Variants in TOM1L2 observed in about 807,000 individuals in gnomAD.
TOM1L2 encodes target of myb1 like 2 membrane trafficking protein, also known as TOM1-like protein 2.
In TOM1L2, 31 loss-of-function variants were observed where a neutral mutation model predicts 67.9. The ratio of observed to expected loss-of-function variants is 0.46; its 90% CI spans 0.34 to 0.62. The LOEUF (loss-of-function observed/expected upper bound fraction) is 0.62. TOM1L2 is among the 20% of genes least tolerant of loss of function. The probability of loss-of-function intolerance (pLI) is 0.01; values close to 1 mark genes in which losing one functional copy is unlikely to be tolerated. For missense variants in TOM1L2, 606 were observed against 663.5 expected, an observed-to-expected ratio of 0.91 and a Z score of 0.95; for synonymous variants, 256 against 254.0, an observed-to-expected ratio of 1.01 and a Z score of -0.07.
rs1194239168 is a variant in TOM1L2 at position 17,881,666 on chromosome 17, T to C, written c.660+1039A>G. 2.0e-5 allele frequency among the ~76,000 whole-genome samples: 3 copies of C among 152,180 alleles called. No individual in the cohort carries two copies. The East Asian group carries it at 5.8e-4, about 29-fold the overall frequency. On this transcript the variant is annotated intron_variant, in intron 6 of 14. Coordinates refer to ENST00000379504, the MANE Select transcript of TOM1L2 (RefSeq NM_001082968.2). ...CCTGGTGGGGTAACAAATCACTTGTTCTACTGATGGGAGACCGGGGTTAAA... is the reference window on the plus strand; with the variant it reads ...CCTGGTGGGGTAACAAATCACTTGTCCTACTGATGGGAGACCGGGGTTAAA...
chr17:17,895,978 G>A (rs946243905), intron 3 of TOM1L2, among the ~76,000 whole-genome samples: 5 of 152,118 alleles, frequency 3.3e-5, no homozygotes, highest in South Asian at 2.1e-4. Flanking sequence ...AGGAGGCCCC[G>A]GGTTCCTCTG....
intron 1 of TOM1L2, among the ~76,000 whole-genome samples, chr17:17,919,722 T>C (rs73301821): frequency 4.4e-4 from 67 of 152,316 alleles, no homozygotes; most frequent in African/African-American, 1.6e-3. Flanking sequence ...ATTGAACCAC[T>C]GGTCTCAAGT....
At position 17,972,389 on chromosome 17, in the gene TOM1L2, G is replaced by T. The variant is rs1324234000; in HGVS notation, c.-76C>A. 3.3e-6 allele frequency: 5 copies of T among 1,535,510 alleles called. No homozygotes were observed. Among genetic ancestry groups the T allele is most frequent in the African/African-American group, 1.4e-5 (1 of 72,542 alleles). On this transcript the variant is annotated 5_prime_UTR_variant, in exon 1 of 15. Coordinates refer to ENST00000379504, the MANE Select transcript of TOM1L2 (RefSeq NM_001082968.2). ...CTCCGCTGTAACCCGCCGGACTCCCGTCCTGACTGACACTTGCCCCCTCCC... is the reference window on the plus strand; with the variant it reads ...CTCCGCTGTAACCCGCCGGACTCCCTTCCTGACTGACACTTGCCCCCTCCC...
intron 7 of TOM1L2, among the ~76,000 whole-genome samples, chr17:17,871,089 G>A (rs1160264660): frequency 6.6e-6 from 1 of 152,232 alleles, no homozygotes; most frequent in African/African-American, 2.4e-5. Flanking sequence ...CAGAGGCCGG[G>A]GCCAGGTGTG....
chr17:17,883,352 ATTATTAGAAGAATGAAACAGG>A (rs2037827857), intron 5 of TOM1L2, among the ~76,000 whole-genome samples: 1 of 152,256 alleles, frequency 6.6e-6, no homozygotes, highest in Non-Finnish European at 1.5e-5. Context: ...GCTCTCTGTC[ATTATTAGAAGAATGAAACAGG>A]TTATGTTGAT....
intron 1 of TOM1L2, among the ~76,000 whole-genome samples, chr17:17,933,264 G>A (rs1351220008): frequency 6.6e-6 from 1 of 152,144 alleles, no homozygotes; most frequent in African/African-American, 2.4e-5. Context: ...AACACGAAAG[G>A]GCCAAAGGAC....
intron 10 of TOM1L2, among the ~76,000 whole-genome samples, chr17:17,865,464 C>T (rs916524725): frequency 6.6e-6 from 1 of 151,930 alleles, no homozygotes; most frequent in Non-Finnish European, 1.5e-5. Flanking sequence ...GCAACCTCTG[C>T]TTCCCGGGTT....
At chr17:17,905,935 C>T (rs908896375) in intron 2 of TOM1L2, among the ~76,000 whole-genome samples, 1 of 152,028 alleles carries the variant, frequency 6.6e-6, no homozygotes, top group African/African-American at 2.4e-5. Context: ...CACTCTGCTC[C>T]GGGCCCATTA....
chr17:17,846,815 G>A lies in TOM1L2; in HGVS notation c.*820C>T, dbSNP rs911969141. ...CCAGTGCAAGTCCCTCCACAAGCCA[G>A]GACCAGGTGTGCGGGTGTGAGCCTG... On this transcript the variant is annotated 3_prime_UTR_variant, in exon 15 of 15. Transcript: ENST00000379504. 6 of 152,606 alleles carry A rather than the reference G, an allele frequency of 3.9e-5. No homozygotes were observed. Among genetic ancestry groups the A allele is most frequent in the Non-Finnish European group, 5.9e-5 (4 of 68,316 alleles). 9.5% of individuals were successfully genotyped at this position (152,606 alleles called of 1,614,324 possible).
At chr17:17,899,368 A>G (rs2038735083) in intron 2 of TOM1L2, among the ~76,000 whole-genome samples, 1 of 152,232 alleles carries the variant, frequency 6.6e-6, no homozygotes, top group Non-Finnish European at 1.5e-5. Flanking sequence ...TTGTGTTTTT[A>G]GGTGACAGAT....
intron 9 of TOM1L2, 115 bp downstream of exon 9, chr17:17,866,761 C>G: frequency 8.9e-7 from 1 of 1,121,440 alleles, no homozygotes; most frequent in South Asian, 1.3e-5. Context: ...CTTGCCTCTT[C>G]AATTTCCCAA....
At chr17:17,944,710 T>C (rs1214197103) in intron 1 of TOM1L2, among the ~76,000 whole-genome samples, 2 of 152,084 alleles carry the variant, frequency 1.3e-5, no homozygotes, top group East Asian at 3.9e-4. Flanking sequence ...CAAGGAGAGG[T>C]GAAAAGCTGA....
intron 3 of TOM1L2, among the ~76,000 whole-genome samples, chr17:17,896,718 G>T (rs915952288): frequency 2.0e-5 from 3 of 152,176 alleles, no homozygotes; most frequent in Non-Finnish European, 4.4e-5. Context: ...GAAAGTAAAC[G>T]GGGCCTCTAA....
At chr17:17,894,464 A>G (rs1254074153) in intron 3 of TOM1L2, among the ~76,000 whole-genome samples, 1 of 152,172 alleles carries the variant, frequency 6.6e-6, no homozygotes, top group Non-Finnish European at 1.5e-5. Context: ...CTGCTCAGAA[A>G]AGCCCAGCAT....
intron 6 of TOM1L2, among the ~76,000 whole-genome samples, chr17:17,882,393 C>T (rs2037769902): frequency 6.6e-6 from 1 of 152,240 alleles, no homozygotes; most frequent in East Asian, 1.9e-4. Flanking sequence ...CATTGCTGAG[C>T]ATGCGGTCTC....
intron 1 of TOM1L2, among the ~76,000 whole-genome samples, chr17:17,927,320 G>A (rs897948956): frequency 1.3e-5 from 2 of 152,184 alleles, no homozygotes; most frequent in African/African-American, 4.8e-5. Context: ...TGTGAGTAAC[G>A]GGCAGAGAGA....
chr17:17,912,582 A>G, intron 1 of TOM1L2, among the ~76,000 whole-genome samples: 1 of 147,824 alleles, frequency 6.8e-6, no homozygotes. Flanking sequence ...CACATCTCAG[A>G]CGATGGGCGG....
chr17:17,857,650 TGTG>T, intron 12 of TOM1L2: 1 of 802,834 alleles, frequency 1.2e-6, no homozygotes, highest in Admixed American at 2.8e-5. Flanking sequence ...AAAGAAAGCG[TGTG>T]GCCTTGTACT....
At chr17:17,872,278 A>G (rs2037192322) in intron 7 of TOM1L2, among the ~76,000 whole-genome samples, 1 of 152,286 alleles carries the variant, frequency 6.6e-6, no homozygotes, top group Non-Finnish European at 1.5e-5. Context: ...ACAATCACAT[A>G]GATCACGTGA....
Sources: allele counts gnomAD v4.1 joint callset (sites outside exome capture counted in the v4.1 genomes callset), GRCh38; gene constraint gnomAD v4.1.1; transcripts MANE v1.5; gene names NCBI Gene and HGNC (gene_info 2026-07-23, HGNC 2026-07-21).